Variants in NPSR1 observed in about 807,000 individuals in gnomAD.
The protein encoded by NPSR1 is neuropeptide S receptor 1.
Under a neutral mutation model 46.9 loss-of-function variants are expected in NPSR1, and 48 were observed. The observed-to-expected ratio is 1.02, with a 90% CI of 0.81 to 1.30. The LOEUF is 1.30. Among genes scored for constraint, NPSR1 ranks in the 50% most tolerant of loss-of-function variants. The pLI is 0.00. For synonymous variants in NPSR1, 176 were observed against 168.1 expected, an observed-to-expected ratio of 1.05 and a Z score of -0.36; for missense variants, 450 against 449.5, an observed-to-expected ratio of 1.00 and a Z score of -0.01.
At chr7:34,857,652 G>A (rs1791080061) in intron 8 of NPSR1, among the ~76,000 whole-genome samples, 1 of 151,602 alleles carries the variant, frequency 6.6e-6, no homozygotes, top group South Asian at 2.1e-4. Flanking sequence ...AAAAAATAAT[G>A]TGACAAAACA....
At chr7:34,808,964 A>G (rs1788845423) in intron 3 of NPSR1, among the ~76,000 whole-genome samples, 1 of 152,142 alleles carries the variant, frequency 6.6e-6, no homozygotes, top group Non-Finnish European at 1.5e-5. Context: ...TCTTTTTATC[A>G]ACATTGACTG....
chr7:34,834,158 T>C (rs1010410296), intron 5 of NPSR1: 12 of 555,192 alleles, frequency 2.2e-5, no homozygotes, highest in African/African-American at 1.7e-4. Flanking sequence ...TGCATAACTT[T>C]ACCAGGTCTT....
At chr7:34,849,509 T>C in intron 8 of NPSR1, 56 bp from the exon 9 acceptor site, 1 of 1,606,592 alleles carries the variant, frequency 6.2e-7, no homozygotes. Flanking sequence ...CATGTCTACT[T>C]GCCTTTTCAT....
chr7:34,767,050 T>C (rs1786470534), intron 2 of NPSR1, among the ~76,000 whole-genome samples: 1 of 152,212 alleles, frequency 6.6e-6, no homozygotes, highest in South Asian at 2.1e-4. Flanking sequence ...TCGACAGTTG[T>C]AGAACTGTTC....
chr7:34,720,210 G>T (rs575150111), intron 2 of NPSR1, among the ~76,000 whole-genome samples: 1 of 151,864 alleles, frequency 6.6e-6, no homozygotes, highest in Admixed American at 6.6e-5. Flanking sequence ...AACCCGGGAG[G>T]TGGATGTTGC....
chr7:34,691,945 A>T (rs1793283215), intron 2 of NPSR1, among the ~76,000 whole-genome samples: 2 of 152,136 alleles, frequency 1.3e-5, no homozygotes, highest in Non-Finnish European at 2.9e-5. Flanking sequence ...CTGAGACCCA[A>T]TTCCACAAAA....
At chr7:34,694,838 T>C (rs532418326) in intron 2 of NPSR1, among the ~76,000 whole-genome samples, 12 of 152,278 alleles carry the variant, frequency 7.9e-5, no homozygotes, top group African/African-American at 2.6e-4. Context: ...GCCTCCTGAG[T>C]AGCTGGGACT....
intron 2 of NPSR1, among the ~76,000 whole-genome samples, chr7:34,709,800 A>G (rs1442158384): frequency 2.6e-5 from 4 of 152,194 alleles, no homozygotes; most frequent in Admixed American, 6.5e-5. Flanking sequence ...TGAAAGATGA[A>G]TATAAAAATA....
chr7:34,844,216 G>A (rs914886885), intron 6 of NPSR1, among the ~76,000 whole-genome samples: 7 of 152,162 alleles, frequency 4.6e-5, no homozygotes, highest in African/African-American at 1.2e-4. Context: ...CTAATGAGAC[G>A]TGGTTATTGA....
rs539795549 is a variant in NPSR1, at chr7:34,815,001, G to A, written c.478+3138G>A. 1.9e-4 allele frequency among the ~76,000 whole-genome samples: 29 copies of A among 152,282 alleles called. No individual in the cohort carries two copies. In the South Asian group the frequency reaches 4.6e-3, roughly 24 times the overall value. On this transcript the variant is annotated intron_variant, in intron 4 of 8. Transcript: ENST00000360581. The stretch of plus-strand genomic sequence containing the variant: ...AGCTGAAAATTCTAAAAATCAGAGC[G>A]CCTCTTCTCCTCCAAAGGACTGCAA...
At chr7:34,739,797 C>T (rs324388) in intron 2 of NPSR1, among the ~76,000 whole-genome samples, 61,757 of 151,998 alleles carry the variant, frequency 0.41, 13,235 homozygotes, top group African/African-American at 0.54. Context: ...AGCACCTGCT[C>T]TGGTGCAGGT....
At chr7:34,679,625 C>T (rs1487029362) in intron 1 of NPSR1, among the ~76,000 whole-genome samples, 1 of 151,984 alleles carries the variant, frequency 6.6e-6, no homozygotes, top group African/African-American at 2.4e-5. Context: ...TCTGGGCCTG[C>T]TAGTTCGTTT....
chr7:34,699,760 A>C (rs1461262176), intron 2 of NPSR1, among the ~76,000 whole-genome samples: 1 of 152,190 alleles, frequency 6.6e-6, no homozygotes, highest in Non-Finnish European at 1.5e-5. Flanking sequence ...TCATATGTTC[A>C]AATACAGTCA....
intron 3 of NPSR1, among the ~76,000 whole-genome samples, chr7:34,792,665 T>TTATATATATGTATATATATATATGTA (rs1375681125): frequency 3.2e-4 from 25 of 78,780 alleles, no homozygotes; most frequent in Admixed American, 1.3e-3. Flanking sequence ...ATATATATAT[T>TTATATATATGTATATATATATATGTA]TATATATATG....
chr7:34,806,300 C>T (rs536046066), intron 3 of NPSR1, among the ~76,000 whole-genome samples: 7 of 152,084 alleles, frequency 4.6e-5, no homozygotes, highest in East Asian at 1.9e-4. Flanking sequence ...GGATAAGCTG[C>T]GGTACATCCA....
intron 5 of NPSR1, among the ~76,000 whole-genome samples, chr7:34,830,696 A>G (rs1320808207): frequency 2.0e-5 from 3 of 152,230 alleles, no homozygotes; most frequent in African/African-American, 7.2e-5. Flanking sequence ...TAATTAAGAA[A>G]AAAAGAAAAA....
Position 34,658,231 on chromosome 7 carries a change from G to A in NPSR1, c.-182G>A. Reference sequence around the variant, plus strand: ...TGGCTACCTGGTGGTAATTGCCAAGGAGAGAGCAGCACGTAGATCCTCCCT... The same window carrying A: ...TGGCTACCTGGTGGTAATTGCCAAGAAGAGAGCAGCACGTAGATCCTCCCT... On this transcript the variant is annotated 5_prime_UTR_variant, in exon 1 of 9. Transcript: ENST00000360581. The A allele has an allele frequency of 1.6e-6, 1 of 626,600 alleles. No homozygotes were observed. The highest frequency in any genetic ancestry group is 2.7e-6 in the Non-Finnish European group (1 of 364,254). The allele number at this position is 626,600 out of a possible 1,614,324, so 38.8% of individuals were successfully genotyped here.
At chr7:34,870,092 C>A (rs1297224519) in intron 8 of NPSR1, among the ~76,000 whole-genome samples, 1 of 151,814 alleles carries the variant, frequency 6.6e-6, no homozygotes, top group African/African-American at 2.4e-5. Flanking sequence ...CTGATGAATA[C>A]CTACCTTCAA....
intron 6 of NPSR1, among the ~76,000 whole-genome samples, chr7:34,834,898 T>C (rs1013597002): frequency 3.3e-5 from 5 of 152,222 alleles, no homozygotes; most frequent in African/African-American, 1.2e-4. Context: ...AGAACAATCT[T>C]GGACCCTTAG....
Sources: gnomAD v4.1 joint callset for allele counts (sites outside exome capture counted in the v4.1 genomes callset) on GRCh38, gnomAD v4.1.1 for gene constraint, MANE v1.5 for transcripts, NCBI Gene and HGNC (gene_info 2026-07-23, HGNC 2026-07-21) for gene names.